The following TSSK2 variants were observed in gnomAD, a reference collection of about 807,000 sequenced individuals.
TSSK2 encodes the protein testis-specific serine/threonine-protein kinase 2.
A neutral mutation model predicts 14.2 loss-of-function variants in TSSK2; 5 were observed. That is an observed-to-expected ratio of 0.35 (90% confidence interval 0.18 to 0.74). TSSK2 has a LOEUF of 0.74. Among genes scored for constraint, TSSK2 ranks in the 30% least tolerant of loss-of-function variants. TSSK2 has a pLI of 0.56. For synonymous variants in TSSK2, 209 were observed against 201.9 expected, an observed-to-expected ratio of 1.04 and a Z score of -0.30; for missense variants, 439 against 491.1, an observed-to-expected ratio of 0.89 and a Z score of 1.00.
Position 19,132,481 on chromosome 22 carries a change from A to G in TSSK2, c.*5A>G, listed in dbSNP as rs1272574833. 3 of 1,602,958 alleles carry G rather than the reference A, an allele frequency of 1.9e-6. No homozygotes were observed. Among genetic ancestry groups the G allele is most frequent in the Admixed American group, 1.7e-5 (1 of 59,390 alleles). ...GTGGGGAAAGCAAGCACCTAGCATG[A>G]CAATGGCCCCGTTGTGTGTGGTGGG... is the stretch of plus-strand genomic sequence containing the variant. On this transcript the variant is annotated 3_prime_UTR_variant, in exon 1 of 1. Transcript: ENST00000399635. The surrounding 1 kb of genome is among the most constrained non-coding windows in gnomAD (Gnocchi z 4.2).
Position 19,132,268 on chromosome 22 carries a change from A to G in TSSK2, c.869A>G (p.Glu290Gly). ...TCTGCCTCCTTCAAGAGGGAGGGGG[A>G]GGGCAAGTACCGCGCTGAGTGCAAA... The part of the protein sequence containing the change: ...TSSASFKREG[E>G]GKYRAECKLD... The change falls in exon 1 of 1, where the codon GAG becomes GGG. Residue 290 changes from glutamate (E) to glycine (G), a missense_variant. By Grantham distance (98) the Glu-to-Gly change is moderately conservative. Coordinates refer to ENST00000399635, the MANE Select transcript of TSSK2 (RefSeq NM_053006.5). The surrounding 1 kb of genome is among the most constrained non-coding windows in gnomAD (Gnocchi z 4.2). The G allele has an allele frequency of 6.2e-7, 1 of 1,612,040 alleles. No homozygotes were observed.
chr22:19,132,516 T>TG lies in TSSK2; in HGVS notation c.*46dup, dbSNP rs750671644. On this transcript the variant is annotated 3_prime_UTR_variant, in exon 1 of 1. Transcript: ENST00000399635. The surrounding 1 kb of genome is among the most constrained non-coding windows in gnomAD (Gnocchi z 4.2). Reference sequence around the variant, plus strand: ...CGTTGTGTGTGGTGGGGGTCGGGGTTGGGGGGCATGGTGCAGTCGGCCTTC... The same window carrying TG: ...CGTTGTGTGTGGTGGGGGTCGGGGTTGGGGGGGCATGGTGCAGTCGGCCTTC... 9 of 1,555,670 alleles carry TG rather than the reference T, an allele frequency of 5.8e-6. No homozygotes were observed. Among genetic ancestry groups the TG allele is most frequent in the Middle Eastern group, 1.7e-4 (1 of 5,812 alleles).
rs146810069 is a variant in TSSK2 at position 19,132,380 on chromosome 22, C to G, written c.981C>G (p.Pro327=). ...AKTQHRLLVV[P]ENENRMEDRL... is the part of the protein sequence containing the mutation. The stretch of plus-strand genomic sequence containing the variant: ...CCCAGCACCGGCTGCTGGTGGTGCC[C>G]GAGAACGAGAACAGGATGGAGGACA... The change falls in exon 1 of 1, where the codon CCC becomes CCG. Residue 327 remains proline (P), a synonymous_variant. Coordinates refer to ENST00000399635, the MANE Select transcript of TSSK2 (RefSeq NM_053006.5). This position sits in a 1 kb window ranked among gnomAD's most constrained non-coding sequence, Gnocchi z 4.2. 6.2e-7 allele frequency: 1 copy of G among 1,613,072 alleles called. No individual in the cohort carries two copies.
rs750597559 is a variant in TSSK2 at position 19,132,389 on chromosome 22, G to A, written c.990G>A (p.Glu330=). 6.2e-7 allele frequency: 1 copy of A among 1,613,196 alleles called. No homozygotes were observed. The highest frequency in any genetic ancestry group is 1.1e-5 in the South Asian group (1 of 91,074). Residue 330 remains glutamate, a synonymous_variant, in exon 1 of 1, where the codon GAG becomes GAA. Coordinates refer to ENST00000399635, the MANE Select transcript of TSSK2 (RefSeq NM_053006.5). This position sits in a 1 kb window ranked among gnomAD's most constrained non-coding sequence, Gnocchi z 4.2. The part of the protein sequence containing the change: ...QHRLLVVPEN[E]NRMEDRLAET... ...GGCTGCTGGTGGTGCCCGAGAACGA[G>A]AACAGGATGGAGGACAGGCTGGCCG...
Sources: allele counts gnomAD v4.1 joint callset, GRCh38; gene constraint gnomAD v4.1.1; non-coding constraint Gnocchi (gnomAD v3.1); transcripts MANE v1.5; gene names NCBI Gene and HGNC (gene_info 2026-07-23, HGNC 2026-07-21).